Variants in PPARGC1A observed in about 807,000 individuals in gnomAD.
PPARGC1A encodes peroxisome proliferator-activated receptor gamma coactivator 1-alpha.
A neutral mutation model predicts 88.7 loss-of-function variants in PPARGC1A; 25 were observed. The ratio of observed to expected loss-of-function variants is 0.28; its 90% CI spans 0.21 to 0.39. The LOEUF (loss-of-function observed/expected upper bound fraction) is 0.39. Ranked by LOEUF, PPARGC1A falls within the 10% of genes least tolerant of loss-of-function variation. The pLI is 1.00. For missense variants in PPARGC1A, 880 were observed against 968.7 expected (o/e 0.91, Z 1.22); for synonymous variants, 363 against 355.6 (o/e 1.02, Z -0.24).
At chr4:23,844,490 TC>T (rs34744329) in intron 2 of PPARGC1A, among the ~76,000 whole-genome samples, 38 of 23,496 alleles carry the variant, frequency 1.6e-3, no homozygotes, top group Non-Finnish European at 2.2e-3. Flanking sequence ...ATTATAATAA[TC>T]ATAATATATA....
the PPARGC1A span, among the ~76,000 whole-genome samples, chr4:24,339,212 GTATATATA>G: frequency 0.043 from 2,532 of 58,760 alleles, 66 homozygotes; most frequent in East Asian, 0.077. Flanking sequence ...GTGTGTGTGT[GTATATATA>G]TATATATATA....
At chr4:24,028,862 A>C in the PPARGC1A span, among the ~76,000 whole-genome samples, 1 of 152,192 alleles carries the variant, frequency 6.6e-6, no homozygotes, top group Non-Finnish European at 1.5e-5. Flanking sequence ...TGACTCTAAT[A>C]ATAATAAAAC....
At chr4:23,936,309 C>A in the PPARGC1A span, among the ~76,000 whole-genome samples, 2 of 152,124 alleles carry the variant, frequency 1.3e-5, no homozygotes, top group African/African-American at 4.8e-5. Context: ...GAGAAACTTG[C>A]CCAAGATCAC....
chr4:24,468,798 A>C, the PPARGC1A span, among the ~76,000 whole-genome samples: 1 of 152,108 alleles, frequency 6.6e-6, no homozygotes, highest in African/African-American at 2.4e-5. Context: ...CTTGTTTATA[A>C]CGAGAGGCGT....
chr4:24,262,472 G>A, the PPARGC1A span, among the ~76,000 whole-genome samples: 453 of 152,256 alleles, frequency 3.0e-3, no homozygotes, highest in Non-Finnish European at 5.0e-3. Context: ...AGGAAAACAT[G>A]AAACGAACAC....
rs756536120 is a variant in PPARGC1A, at chr4:23,824,415, T to C, written c.803+48A>G. 8 of 1,605,008 alleles carry C rather than the reference T, an allele frequency of 5.0e-6. 1 individual carries two copies. Among genetic ancestry groups the C allele is most frequent in the Non-Finnish European group, 6.8e-6 (8 of 1,171,896 alleles). On this transcript the variant is annotated intron_variant, in intron 6 of 12. Coordinates refer to ENST00000264867, the MANE Select transcript of PPARGC1A (RefSeq NM_013261.5). ...ATGGAGTTGCTGTAGCCAAATGTAT[T>C]AGAACCCCCTTCCCTTTCAGAAAAT...
chr4:23,905,135 C>T (rs912972404), upstream of PPARGC1A, among the ~76,000 whole-genome samples: 1 of 152,154 alleles, frequency 6.6e-6, no homozygotes, highest in Non-Finnish European at 1.5e-5. Flanking sequence ...ATGTAAAGAG[C>T]AGCTTCCCAT....
the PPARGC1A span, among the ~76,000 whole-genome samples, chr4:24,402,744 T>G: frequency 2.6e-5 from 4 of 152,360 alleles, no homozygotes; most frequent in East Asian, 1.9e-4. Flanking sequence ...GTTCCAAATC[T>G]GAGCTTGGCT....
At chr4:24,284,766 C>A in the PPARGC1A span, among the ~76,000 whole-genome samples, 1 of 152,188 alleles carries the variant, frequency 6.6e-6, no homozygotes, top group Non-Finnish European at 1.5e-5. Context: ...CGGTGGCTCA[C>A]GCCTGTAATC....
the PPARGC1A span, among the ~76,000 whole-genome samples, chr4:24,170,251 A>G: frequency 1.5e-4 from 23 of 152,186 alleles, no homozygotes. Context: ...AAGAGGCAAC[A>G]ACTTCAGCTC....
chr4:24,321,883 G>C, the PPARGC1A span, among the ~76,000 whole-genome samples: 4 of 152,298 alleles, frequency 2.6e-5, no homozygotes, highest in African/African-American at 9.6e-5. Context: ...GACTTCACTT[G>C]CAAGGAGCAA....
At chr4:24,112,249 T>A in the PPARGC1A span, among the ~76,000 whole-genome samples, 27 of 152,194 alleles carry the variant, frequency 1.8e-4, no homozygotes, top group African/African-American at 6.5e-4. Flanking sequence ...TGTGGCAAAC[T>A]GAAGAGGGCA....
the PPARGC1A span, among the ~76,000 whole-genome samples, chr4:24,162,299 C>T: frequency 6.6e-6 from 1 of 152,096 alleles, no homozygotes; most frequent in Admixed American, 6.6e-5. Flanking sequence ...ACAAAAATCT[C>T]ACAAATCACT....
chr4:24,078,105 T>A, the PPARGC1A span, among the ~76,000 whole-genome samples: 7 of 31,654 alleles, frequency 2.2e-4, no homozygotes, highest in South Asian at 6.6e-3. Context: ...TTTCCTCAAA[T>A]TTTTTTTTTT....
chr4:23,856,717 T>C (rs1730247668), intron 2 of PPARGC1A, among the ~76,000 whole-genome samples: 1 of 152,170 alleles, frequency 6.6e-6, no homozygotes, highest in South Asian at 2.1e-4. Context: ...AAAACAGGCA[T>C]GGCCCCTCCC....
In PPARGC1A at chr4:23,829,498, T is replaced by C; in HGVS notation, c.517A>G (p.Asn173Asp). 6.2e-7 allele frequency: 1 copy of C among 1,613,918 alleles called. No homozygotes were observed. The highest frequency in any genetic ancestry group is 8.5e-7 in the Non-Finnish European group (1 of 1,179,786). The stretch of plus-strand genomic sequence containing the variant: ...GCAGGGTTTGTTCTGATCCTGTGAT[T>C]GTGATTTGCATGGTTCTGGGTACTG... ...GLSTQNHANH[N>D]HRIRTNPAIV... Residue 173 changes from asparagine (N) to aspartate (D), a missense_variant, in exon 4 of 13, where the codon AAT (asparagine) becomes GAT (aspartate). Transcript: ENST00000264867.
chr4:23,992,668 T>TTAAAAGAC, the PPARGC1A span, among the ~76,000 whole-genome samples: 115,264 of 151,178 alleles, frequency 0.76, 44,468 homozygotes, highest in African/African-American at 0.85. Flanking sequence ...TGTTCCCATT[T>TTAAAAGAC]TAAAAGACTG....
chr4:24,404,561 T>C, the PPARGC1A span, among the ~76,000 whole-genome samples: 1 of 151,932 alleles, frequency 6.6e-6, no homozygotes. Flanking sequence ...GCAAGAATGC[T>C]GTCCCCAGTA....
the PPARGC1A span, among the ~76,000 whole-genome samples, chr4:24,384,307 A>G: frequency 2.0e-5 from 3 of 152,188 alleles, no homozygotes; most frequent in Non-Finnish European, 4.4e-5. Context: ...CATTGATGCT[A>G]GGAAAAAACT....
Sources: gnomAD v4.1 joint callset for allele counts (sites outside exome capture counted in the v4.1 genomes callset) on GRCh38, gnomAD v4.1.1 for gene constraint, MANE v1.5 for transcripts, NCBI Gene and HGNC (gene_info 2026-07-23, HGNC 2026-07-21) for gene names.